The following PHLPP1 variants were observed in gnomAD, a reference collection of about 807,000 sequenced individuals.
PHLPP1 encodes PH domain leucine-rich repeat-containing protein phosphatase 1.
Under a neutral mutation model 117.2 loss-of-function variants are expected in PHLPP1, and 42 were observed. The observed-to-expected ratio is 0.36, with a 90% confidence interval of 0.28 to 0.46. The LOEUF is 0.46. Among genes scored for constraint, PHLPP1 ranks in the 20% least tolerant of loss-of-function variants. PHLPP1 has a pLI of 1.00. For synonymous variants in PHLPP1, 1,042 were observed against 970.7 expected (o/e 1.07, Z -1.37); for missense variants, 2,084 against 2,241.9 (o/e 0.93, Z 1.42).
At chr18:62,945,341 C>T (rs527355946) in intron 12 of PHLPP1, 70 bp downstream of exon 12, 4 of 1,278,102 alleles carry the variant, frequency 3.1e-6, no homozygotes, top group South Asian at 3.2e-5. Flanking sequence ...AACTCATCAA[C>T]TCAGGACGTT....
At chr18:62,854,071 A>T (rs1256588119) in intron 3 of PHLPP1, among the ~76,000 whole-genome samples, 1 of 152,186 alleles carries the variant, frequency 6.6e-6, no homozygotes. Context: ...TAGTAAGTAG[A>T]ACTGTTCCTA....
At chr18:62,841,103 G>A (rs1026889120) in intron 3 of PHLPP1, among the ~76,000 whole-genome samples, 2 of 152,136 alleles carry the variant, frequency 1.3e-5, no homozygotes, top group African/African-American at 4.8e-5. Context: ...GGCCAGGCTG[G>A]TTTTGAACTC....
intron 1 of PHLPP1, among the ~76,000 whole-genome samples, chr18:62,749,067 C>G (rs1312011777): frequency 1.3e-5 from 2 of 152,104 alleles, no homozygotes; most frequent in African/African-American, 4.8e-5. Context: ...TAGAATACTT[C>G]AACTCTGATA....
At chr18:62,917,396 T>TGTGTGTGTGTGTGTGTGTG (rs1909321733) in intron 9 of PHLPP1, among the ~76,000 whole-genome samples, 115 of 141,492 alleles carry the variant, frequency 8.1e-4, no homozygotes, top group Admixed American at 1.6e-3. Flanking sequence ...ACAGTATTCT[T>TGTGTGTGTGTGTGTGTGTG]TGTGTGTGTG....
intron 3 of PHLPP1, among the ~76,000 whole-genome samples, chr18:62,842,230 G>A (rs533416951): frequency 1.8e-3 from 275 of 152,252 alleles, no homozygotes; most frequent in African/African-American, 6.5e-3. Context: ...GTCTTAGTTT[G>A]TCTGAACAAG....
chr18:62,782,183 G>T (rs984397819), intron 1 of PHLPP1, among the ~76,000 whole-genome samples: 1 of 152,174 alleles, frequency 6.6e-6, no homozygotes, highest in African/African-American at 2.4e-5. Flanking sequence ...CTTTACTGAT[G>T]CTCCTCTTGC....
At chr18:62,814,058 G>T (rs1418125535) in intron 1 of PHLPP1, among the ~76,000 whole-genome samples, 1 of 151,914 alleles carries the variant, frequency 6.6e-6, no homozygotes, top group African/African-American at 2.4e-5. Context: ...GTATTATAAA[G>T]AAAACTGTAA....
chr18:62,932,311 T>TACA (rs1555682767), intron 10 of PHLPP1, among the ~76,000 whole-genome samples: 18 of 94,852 alleles, frequency 1.9e-4, no homozygotes, highest in Non-Finnish European at 4.3e-4. Flanking sequence ...CTGACAAGGA[T>TACA]ACAAAAAGGA....
intron 3 of PHLPP1, among the ~76,000 whole-genome samples, chr18:62,848,967 AT>A (rs1353135136): frequency 3.9e-5 from 6 of 152,214 alleles, no homozygotes; most frequent in Non-Finnish European, 8.8e-5. Flanking sequence ...AATAACTAAG[AT>A]TTACTGAAAA....
intron 1 of PHLPP1, among the ~76,000 whole-genome samples, chr18:62,778,531 C>G (rs897104847): frequency 4.6e-5 from 7 of 152,142 alleles, no homozygotes; most frequent in Non-Finnish European, 2.9e-5. Context: ...TCTGAACTCC[C>G]TCTGACTTAT....
intron 1 of PHLPP1, among the ~76,000 whole-genome samples, chr18:62,733,384 T>C (rs1911280438): frequency 6.6e-6 from 1 of 152,226 alleles, no homozygotes. Context: ...TTATATGTAA[T>C]GCTGTTACAA....
At chr18:62,875,853 C>G (rs1042158636) in intron 4 of PHLPP1, among the ~76,000 whole-genome samples, 1 of 152,046 alleles carries the variant, frequency 6.6e-6, no homozygotes, top group Admixed American at 6.6e-5. Flanking sequence ...CTGCCTCAGC[C>G]TCCTGAGTAG....
intron 15 of PHLPP1, among the ~76,000 whole-genome samples, chr18:62,974,139 T>C (rs1454135166): frequency 6.6e-6 from 1 of 152,116 alleles, no homozygotes; most frequent in Non-Finnish European, 1.5e-5. Context: ...AGAACCCCAG[T>C]CTCGGATTAC....
At chr18:62,755,435 T>C (rs1017164153) in intron 1 of PHLPP1, among the ~76,000 whole-genome samples, 1 of 152,178 alleles carries the variant, frequency 6.6e-6, no homozygotes, top group Non-Finnish European at 1.5e-5. Context: ...GTGCAATTCA[T>C]ATGTTGAAAT....
chr18:62,916,605 G>GGTGTGT (rs71340133), intron 9 of PHLPP1, among the ~76,000 whole-genome samples: 14 of 145,844 alleles, frequency 9.6e-5, no homozygotes, highest in African/African-American at 1.8e-4. Flanking sequence ...CAAGAGGGTG[G>GGTGTGT]GTGTGTGTGT....
In PHLPP1 at chr18:62,840,278, A is replaced by G. The variant is rs549899723; in HGVS notation, c.1899+1369A>G. Among the ~76,000 whole-genome samples, 54 of 152,326 alleles carry G rather than the reference A, an allele frequency of 3.5e-4. 2 individuals carry two copies. In the South Asian group the frequency reaches 8.7e-3, roughly 25 times the overall value. On this transcript the variant is annotated intron_variant, in intron 3 of 16. Transcript: ENST00000262719. ...TTCTCTTCCTTTTAGAGAAGAAGCA[A>G]TGGGTAGAGAGTTTCGGTTGATAGG... is the stretch of plus-strand genomic sequence containing the variant.
intron 2 of PHLPP1, among the ~76,000 whole-genome samples, chr18:62,831,609 T>A (rs751390658): frequency 4.6e-5 from 7 of 152,220 alleles, no homozygotes; most frequent in Non-Finnish European, 8.8e-5. Context: ...AGTGCTGAGA[T>A]TACAGGCATG....
At chr18:62,945,065 C>G in intron 11 of PHLPP1, 44 bp from the exon 12 acceptor site, 1 of 1,363,038 alleles carries the variant, frequency 7.3e-7, no homozygotes, top group Non-Finnish European at 9.9e-7. Flanking sequence ...GATTCTCGTC[C>G]TATATTATTT....
chr18:62,948,401 A>G (rs1463792480), intron 12 of PHLPP1, among the ~76,000 whole-genome samples: 2 of 152,194 alleles, frequency 1.3e-5, no homozygotes, highest in Admixed American at 1.3e-4. Context: ...ATGAAAACTA[A>G]TCCTCTCCTA....
Sources: gnomAD v4.1 joint callset for allele counts (sites outside exome capture counted in the v4.1 genomes callset) on GRCh38, gnomAD v4.1.1 for gene constraint, MANE v1.5 for transcripts, NCBI Gene and HGNC (gene_info 2026-07-23, HGNC 2026-07-21) for gene names.